Variants in GABBR2 observed in about 807,000 individuals in gnomAD.
The protein encoded by GABBR2 is gamma-aminobutyric acid type B receptor subunit 2.
A neutral mutation model predicts 105.6 loss-of-function variants in GABBR2; 23 were observed. The observed-to-expected ratio is 0.22, with a 90% CI of 0.16 to 0.31. The LOEUF (loss-of-function observed/expected upper bound fraction) is 0.31, where lower values mean the gene tolerates loss of function less well. Among genes scored for constraint, GABBR2 ranks in the 10% least tolerant of loss-of-function variants. GABBR2 has a pLI of 1.00. For synonymous variants in GABBR2, 478 were observed against 499.7 expected (o/e 0.96, Z 0.58); for missense variants, 734 against 1,245.5 (o/e 0.59, Z 6.18).
chr9:98,609,139 TA>T (rs999460645), intron 1 of GABBR2, among the ~76,000 whole-genome samples: 4 of 152,182 alleles, frequency 2.6e-5, no homozygotes, highest in African/African-American at 7.2e-5. Flanking sequence ...TGTTGTGATA[TA>T]AAAAAATGTA....
chr9:98,360,474 C>A (rs1831563378), intron 13 of GABBR2, among the ~76,000 whole-genome samples: 1 of 152,152 alleles, frequency 6.6e-6, no homozygotes, highest in Admixed American at 6.5e-5. Flanking sequence ...ACAGGAACAG[C>A]CTATCTGGGC....
At chr9:98,421,330 CAA>C (rs1233138825) in intron 7 of GABBR2, among the ~76,000 whole-genome samples, 2 of 148,490 alleles carry the variant, frequency 1.3e-5, no homozygotes, top group East Asian at 1.9e-4. Context: ...GAACAGGAAA[CAA>C]TGTGTAAAAA....
chr9:98,660,234 T>C (rs990040877), intron 1 of GABBR2, among the ~76,000 whole-genome samples: 5 of 152,210 alleles, frequency 3.3e-5, no homozygotes, highest in Non-Finnish European at 7.3e-5. Context: ...GTCCTAGAAA[T>C]GAATTTTCTA....
intron 13 of GABBR2, among the ~76,000 whole-genome samples, chr9:98,343,050 C>T (rs1831242544): frequency 6.6e-6 from 1 of 152,204 alleles, no homozygotes; most frequent in Non-Finnish European, 1.5e-5. Context: ...AGAAACATAA[C>T]TGGTATAACC....
intron 18 of GABBR2, 110 bp downstream of exon 18, chr9:98,293,675 T>C (rs1312691838): frequency 1.5e-6 from 1 of 657,860 alleles, no homozygotes; most frequent in Admixed American, 2.4e-5. Flanking sequence ...GGGATGGCTG[T>C]GGAAAGCAAA....
chr9:98,565,732 G>A (rs1003649715), intron 2 of GABBR2, among the ~76,000 whole-genome samples: 23 of 152,164 alleles, frequency 1.5e-4, no homozygotes, highest in African/African-American at 4.1e-4. Context: ...ACCAGGAACC[G>A]AGGCTGGAAG....
intron 11 of GABBR2, among the ~76,000 whole-genome samples, chr9:98,371,806 G>A (rs1033125403): frequency 2.7e-4 from 41 of 152,342 alleles, no homozygotes; most frequent in African/African-American, 9.9e-4. Context: ...TTCAAACCAT[G>A]CCTTAGATGG....
chr9:98,484,995 G>C (rs935911228), intron 4 of GABBR2, among the ~76,000 whole-genome samples: 5 of 152,180 alleles, frequency 3.3e-5, no homozygotes, highest in East Asian at 1.9e-4. Flanking sequence ...GCAGTAGTAG[G>C]GGGTAGGGAG....
At chr9:98,538,681 C>G (rs61565750) in intron 3 of GABBR2, 31 of 671,834 alleles carry the variant, frequency 4.6e-5, no homozygotes, top group Non-Finnish European at 5.3e-5. Flanking sequence ...TCCACCACCC[C>G]CTCCGACTTC....
In GABBR2 at chr9:98,538,607, C is replaced by T. The variant is rs1324641173; in HGVS notation, c.630+3266G>A. On this transcript the variant is annotated intron_variant, in intron 3 of 18. Transcript: ENST00000259455. The stretch of plus-strand genomic sequence containing the variant: ...GCTGGTCCCCAGGTGGGATGGCCCT[C>T]AGCCTTCTACCCGCTTCCATAGTCC... The T allele has an allele frequency of 6.1e-6, 6 of 984,668 alleles. No homozygotes were observed. The East Asian group carries it at 5.7e-4, about 93-fold the overall frequency. 61.0% of individuals were successfully genotyped at this position (984,668 alleles called of 1,614,324 possible).
chr9:98,663,895 T>C (rs1025620717), intron 1 of GABBR2, among the ~76,000 whole-genome samples: 2 of 152,154 alleles, frequency 1.3e-5, no homozygotes, highest in Non-Finnish European at 2.9e-5. Flanking sequence ...ATTTTGAGGA[T>C]TGTTAAATAC....
chr9:98,606,265 T>A (rs1443860610), intron 1 of GABBR2, among the ~76,000 whole-genome samples: 1 of 152,208 alleles, frequency 6.6e-6, no homozygotes, highest in Non-Finnish European at 1.5e-5. Context: ...GCAGCATGAT[T>A]TATAATCCTT....
intron 2 of GABBR2, among the ~76,000 whole-genome samples, chr9:98,568,754 A>C (rs538591423): frequency 6.6e-6 from 1 of 152,268 alleles, no homozygotes; most frequent in South Asian, 2.1e-4. Flanking sequence ...GCCAACTACC[A>C]GACTTCTCTG....
intron 3 of GABBR2, among the ~76,000 whole-genome samples, chr9:98,500,030 G>A (rs1827368927): frequency 6.6e-6 from 1 of 152,198 alleles, no homozygotes; most frequent in South Asian, 2.1e-4. Flanking sequence ...TCCAGCCTGG[G>A]CAACAGAGCA....
At position 98,509,317 on chromosome 9, in the gene GABBR2, G is replaced by GA. The variant is rs1234235694; in HGVS notation, c.631-12804dup. Among the ~76,000 whole-genome samples the GA allele has an allele frequency of 2.0e-5, 3 of 152,032 alleles. No homozygotes were observed. In the East Asian group the frequency reaches 5.8e-4, roughly 29 times the overall value. The stretch of plus-strand genomic sequence containing the variant: ...AAGGTAGATAAAACCACAAAGATGG[G>GA]AAAAAAACAGAGCAGAAAAACTGGA... On this transcript the variant is annotated intron_variant, in intron 3 of 18. Transcript: ENST00000259455.
intron 1 of GABBR2, among the ~76,000 whole-genome samples, chr9:98,636,117 T>C (rs888807723): frequency 3.3e-5 from 5 of 152,112 alleles, no homozygotes; most frequent in African/African-American, 1.2e-4. Flanking sequence ...GTGGGTGGCA[T>C]AACAACATAT....
At chr9:98,429,798 C>T (rs1825765568) in intron 7 of GABBR2, among the ~76,000 whole-genome samples, 1 of 152,146 alleles carries the variant, frequency 6.6e-6, no homozygotes, top group African/African-American at 2.4e-5. Context: ...TCTGAGTTGG[C>T]CACAGTCCTT....
chr9:98,444,875 GCGCGCACA>G (rs946582317), intron 7 of GABBR2, among the ~76,000 whole-genome samples: 2 of 96,438 alleles, frequency 2.1e-5, no homozygotes, highest in African/African-American at 7.8e-5. Flanking sequence ...ACATGCGCGC[GCGCGCACA>G]CACACACACA....
chr9:98,344,251 C>T (rs1264125184), intron 13 of GABBR2, among the ~76,000 whole-genome samples: 1 of 152,194 alleles, frequency 6.6e-6, no homozygotes, highest in African/African-American at 2.4e-5. Flanking sequence ...ACACCTCTCC[C>T]TGAACTTCAG....
Sources: allele counts gnomAD v4.1 joint callset (sites outside exome capture counted in the v4.1 genomes callset), GRCh38; gene constraint gnomAD v4.1.1; transcripts MANE v1.5; gene names NCBI Gene and HGNC (gene_info 2026-07-23, HGNC 2026-07-21).